The following MGMT variants were observed in gnomAD, a reference collection of about 807,000 sequenced individuals.
MGMT encodes the protein O-6-methylguanine-DNA methyltransferase, also known as methylated-DNA--protein-cysteine methyltransferase.
MGMT carries 14 observed loss-of-function variants against 15.9 expected under a neutral mutation model. That is an observed-to-expected ratio of 0.88 (90% CI 0.58 to 1.37). The LOEUF is 1.37. Ranked by LOEUF, MGMT falls within the 40% of genes most tolerant of loss-of-function variation. The pLI is 0.00. For synonymous variants in MGMT, 130 were observed against 118.2 expected (o/e 1.10, Z -0.65); for missense variants, 282 against 268.1 (o/e 1.05, Z -0.36).
At chr10:129,640,205 C>G (rs1006187432) in intron 2 of MGMT, among the ~76,000 whole-genome samples, 2 of 150,762 alleles carry the variant, frequency 1.3e-5, no homozygotes, top group Non-Finnish European at 2.9e-5. Flanking sequence ...TCAAGTGATT[C>G]TTCTGCCTCA....
rs570886518 is a variant in MGMT, at chr10:129,692,595, G to A, written c.126-15300G>A. 3.9e-5 allele frequency among the ~76,000 whole-genome samples: 6 copies of A among 152,328 alleles called. No homozygotes were observed. In the South Asian group the frequency reaches 8.3e-4, roughly 21 times the overall value. ...CAACAGATATGAGCCAAGTGGTGAC[G>A]TGGAATGCCCCATCGTTGAGGGATG... On this transcript the variant is annotated intron_variant, in intron 2 of 4. Transcript: ENST00000651593.
At chr10:129,708,759 C>T (rs1377782296) in intron 3 of MGMT, among the ~76,000 whole-genome samples, 1 of 152,046 alleles carries the variant, frequency 6.6e-6, no homozygotes, top group African/African-American at 2.4e-5. Context: ...AACATATATT[C>T]ATATATGATG....
chr10:129,673,093 G>A (rs1847743098), intron 2 of MGMT, among the ~76,000 whole-genome samples: 2 of 152,096 alleles, frequency 1.3e-5, no homozygotes, highest in Admixed American at 6.5e-5. Flanking sequence ...CCCAAGTTGA[G>A]GGTGCTCAAA....
chr10:129,648,716 A>G lies in MGMT; in HGVS notation c.126-59179A>G, dbSNP rs569244749. 2.3e-3 allele frequency among the ~76,000 whole-genome samples: 345 copies of G among 151,540 alleles called. 1 individual carries two copies. Among genetic ancestry groups the G allele is most frequent in the African/African-American group, 7.9e-3 (327 of 41,266 alleles). On this transcript the variant is annotated intron_variant, in intron 2 of 4. Coordinates refer to ENST00000651593, the MANE Select transcript of MGMT (RefSeq NM_002412.5). ...TTCCAGGGGATAAAACTGTCCTTGT[A>G]TCTGTATTTTGAATGATTTGGAATC...
chr10:129,742,134 C>T (rs183960772), intron 3 of MGMT, among the ~76,000 whole-genome samples: 3 of 152,316 alleles, frequency 2.0e-5, no homozygotes, highest in East Asian at 3.9e-4. Context: ...ATCGTTGGCT[C>T]GAGCGCTGAG....
At chr10:129,560,581 G>A (rs1846265010) in intron 2 of MGMT, among the ~76,000 whole-genome samples, 1 of 152,162 alleles carries the variant, frequency 6.6e-6, no homozygotes, top group African/African-American at 2.4e-5. Flanking sequence ...TTTGCTGTTG[G>A]TTACGGTGGC....
chr10:129,704,619 C>A (rs1008007566), intron 2 of MGMT, among the ~76,000 whole-genome samples: 1 of 152,098 alleles, frequency 6.6e-6, no homozygotes, highest in Non-Finnish European at 1.5e-5. Context: ...TTATCCGTGG[C>A]TGTCGGTCAT....
Position 129,659,407 on chromosome 10 carries a change from T to A in MGMT, c.126-48488T>A, listed in dbSNP as rs1412890761. On this transcript the variant is annotated intron_variant, in intron 2 of 4. Coordinates refer to ENST00000651593, the MANE Select transcript of MGMT (RefSeq NM_002412.5). The surrounding 1 kb of genome is among the most constrained non-coding windows in gnomAD (Gnocchi z 4.1). Reference sequence around the variant, plus strand: ...GATGTAGCTGTCTCTGCCTGGGTTGTTTTCTAAATGCGTTTGGCTGGAGAT... The same window carrying A: ...GATGTAGCTGTCTCTGCCTGGGTTGATTTCTAAATGCGTTTGGCTGGAGAT... 2.0e-5 allele frequency among the ~76,000 whole-genome samples: 3 copies of A among 151,380 alleles called. No individual in the cohort carries two copies. Among genetic ancestry groups the A allele is most frequent in the Non-Finnish European group, 2.9e-5 (2 of 67,974 alleles).
intron 1 of MGMT, among the ~76,000 whole-genome samples, chr10:129,483,925 G>A (rs1444025288): frequency 1.3e-5 from 2 of 152,082 alleles, no homozygotes; most frequent in Non-Finnish European, 2.9e-5. Flanking sequence ...CCTTGGGGAT[G>A]TGACCCAAGT....
intron 2 of MGMT, among the ~76,000 whole-genome samples, chr10:129,646,288 C>T (rs976386976): frequency 6.6e-6 from 1 of 152,044 alleles, no homozygotes; most frequent in Admixed American, 6.6e-5. Flanking sequence ...TTTCTCCTGG[C>T]TCAGAGCAGA....
chr10:129,676,849 A>C (rs896080075), intron 2 of MGMT, among the ~76,000 whole-genome samples: 1 of 152,230 alleles, frequency 6.6e-6, no homozygotes, highest in Non-Finnish European at 1.5e-5. Flanking sequence ...TCTGTATAGC[A>C]TAAAGCAGTA....
Position 129,498,880 on chromosome 10 carries a change from A to C in MGMT, c.-13+31584A>C, listed in dbSNP as rs546402110. 1.6e-4 allele frequency among the ~76,000 whole-genome samples: 25 copies of C among 151,944 alleles called. 1 individual carries two copies. In the South Asian group the frequency reaches 4.8e-3, roughly 29 times the overall value. On this transcript the variant is annotated intron_variant, in intron 1 of 4. Transcript: ENST00000651593. The stretch of plus-strand genomic sequence containing the variant: ...TCTTCCTGCCCTTCTCAGTAGGGGG[A>C]GCTAGGGGCTGTATGTGTGTCTACT...
intron 2 of MGMT, among the ~76,000 whole-genome samples, chr10:129,626,090 G>A (rs1266667566): frequency 1.3e-5 from 2 of 152,172 alleles, no homozygotes; most frequent in Non-Finnish European, 2.9e-5. Flanking sequence ...TTTGTACTGG[G>A]CCAACGGGGC....
intron 3 of MGMT, among the ~76,000 whole-genome samples, chr10:129,737,777 G>A (rs558509235): frequency 2.6e-4 from 39 of 152,304 alleles, no homozygotes; most frequent in African/African-American, 8.4e-4. Context: ...CTAACATACA[G>A]GACCCTCAGC....
At chr10:129,764,971 A>C (rs888677281) in intron 4 of MGMT, among the ~76,000 whole-genome samples, 1 of 152,070 alleles carries the variant, frequency 6.6e-6, no homozygotes, top group East Asian at 1.9e-4. Context: ...GGCATCTCCC[A>C]TGTGCCTTCT....
intron 2 of MGMT, among the ~76,000 whole-genome samples, chr10:129,560,969 G>A (rs937200883): frequency 8.7e-6 from 1 of 115,202 alleles, no homozygotes; most frequent in Non-Finnish European, 2.0e-5. Flanking sequence ...GTGTGTGTGT[G>A]TGTGTGTGTG....
At chr10:129,648,433 A>T (rs1041620430) in intron 2 of MGMT, among the ~76,000 whole-genome samples, 1 of 151,992 alleles carries the variant, frequency 6.6e-6, no homozygotes, top group African/African-American at 2.4e-5. Context: ...CAGACTTTGC[A>T]TTTCAAATTT....
intron 1 of MGMT, among the ~76,000 whole-genome samples, chr10:129,483,143 T>A (rs1364400815): frequency 3.9e-5 from 6 of 152,232 alleles, no homozygotes; most frequent in Admixed American, 3.9e-4. Flanking sequence ...TCTGCATTCA[T>A]GTGATATAAT....
At chr10:129,486,177 C>CTTT (rs33985155) in intron 1 of MGMT, among the ~76,000 whole-genome samples, 79 of 113,282 alleles carry the variant, frequency 7.0e-4, no homozygotes, top group African/African-American at 2.6e-3. Flanking sequence ...CTTCTCTTCT[C>CTTT]TTTTTTTTTT....
Sources: allele counts gnomAD v4.1 joint callset (sites outside exome capture counted in the v4.1 genomes callset), GRCh38; gene constraint gnomAD v4.1.1; non-coding constraint Gnocchi (gnomAD v3.1); transcripts MANE v1.5; gene names NCBI Gene and HGNC (gene_info 2026-07-23, HGNC 2026-07-21).